The following IGF2BP3 variants were observed in gnomAD, a reference collection of about 807,000 sequenced individuals.
IGF2BP3 encodes insulin like growth factor 2 mRNA binding protein 3, also known as insulin-like growth factor 2 mRNA-binding protein 3.
IGF2BP3 carries 9 observed loss-of-function variants against 73.8 expected under a neutral mutation model. The observed-to-expected ratio is 0.12, with a 90% CI of 0.07 to 0.21. IGF2BP3 has a LOEUF of 0.21. Among genes scored for constraint, IGF2BP3 ranks in the 10% least tolerant of loss-of-function variants. The probability of loss-of-function intolerance (pLI) is 1.00; values close to 1 mark genes in which losing one functional copy is unlikely to be tolerated. For synonymous variants in IGF2BP3, 258 were observed against 256.7 expected (o/e 1.01, Z -0.05); for missense variants, 542 against 714.0 (o/e 0.76, Z 2.75).
chr7:23,320,351 C>A (rs1784102724), intron 10 of IGF2BP3, among the ~76,000 whole-genome samples: 1 of 152,108 alleles, frequency 6.6e-6, no homozygotes, highest in Non-Finnish European at 1.5e-5. Context: ...CTTCCTGGGT[C>A]TCTTTTCAAA....
chr7:23,464,174 C>G (rs1266515475), intron 2 of IGF2BP3, among the ~76,000 whole-genome samples: 1 of 152,232 alleles, frequency 6.6e-6, no homozygotes, highest in Non-Finnish European at 1.5e-5. Context: ...CTGGTCATGA[C>G]ACTAGCCTAT....
At position 23,346,081 on chromosome 7, in the gene IGF2BP3, C is replaced by T. The variant is rs190319716; in HGVS notation, c.819-19G>A. On this transcript the variant is annotated intron_variant, in intron 7 of 14. Transcript: ENST00000258729. ...TTCTGTGCTGTAAATAGAAAAGTGG[C>T]CATAAAATTAGAATAAGTAAACCTA... The T allele has an allele frequency of 3.8e-5, 61 of 1,594,612 alleles. 1 individual carries two copies. The African/African-American group carries it at 5.3e-4, about 14-fold the overall frequency.
At chr7:23,433,374 T>A (rs75184264) in intron 2 of IGF2BP3, among the ~76,000 whole-genome samples, 1 of 152,220 alleles carries the variant, frequency 6.6e-6, no homozygotes, top group East Asian at 1.9e-4. Context: ...AATCGTTCTG[T>A]AAGGATAAAA....
intron 10 of IGF2BP3, among the ~76,000 whole-genome samples, chr7:23,322,535 G>A (rs1438604423): frequency 6.6e-6 from 1 of 152,140 alleles, no homozygotes; most frequent in Non-Finnish European, 1.5e-5. Context: ...AATCTAGCAA[G>A]GCAGGCCAAC....
rs201185940 is a variant in IGF2BP3, at chr7:23,432,638, AT to A, written c.237-13815del. On this transcript the variant is annotated intron_variant, in intron 2 of 14. Transcript: ENST00000258729. ...CTAAGTAAATGTGCTTCATTTTTTA[AT>A]TTTTTTTTTTTTTTGGTGGAGAGAG... Among the ~76,000 whole-genome samples, 557 of 144,262 alleles carry A rather than the reference AT, an allele frequency of 3.9e-3. 1 individual carries two copies. Among genetic ancestry groups the A allele is most frequent in the Middle Eastern group, 7.1e-3 (2 of 282 alleles). The allele number at this position is 144,262 out of a possible 152,430, so 94.6% of individuals were successfully genotyped here. A position where few individuals can be genotyped will look rare whatever the true frequency, so the allele number is the denominator to read the frequency against.
intron 5 of IGF2BP3, among the ~76,000 whole-genome samples, chr7:23,352,869 A>T (rs1277653484): frequency 6.6e-6 from 1 of 152,144 alleles, no homozygotes; most frequent in Non-Finnish European, 1.5e-5. Context: ...GAAACTTTTA[A>T]TTTATTGTAA....
intron 2 of IGF2BP3, among the ~76,000 whole-genome samples, chr7:23,420,922 G>A (rs181919994): frequency 6.6e-6 from 1 of 152,304 alleles, no homozygotes; most frequent in African/African-American, 2.4e-5. Flanking sequence ...GCTAGTTTGG[G>A]ATTTGTTTCA....
chr7:23,411,380 G>T (rs1372054481), intron 3 of IGF2BP3, among the ~76,000 whole-genome samples: 4 of 152,142 alleles, frequency 2.6e-5, no homozygotes, highest in Non-Finnish European at 5.9e-5. Context: ...TCAGTAGTTT[G>T]AGACCAGCCT....
intron 3 of IGF2BP3, among the ~76,000 whole-genome samples, chr7:23,368,385 AAAG>A (rs1785449737): frequency 6.6e-6 from 1 of 151,204 alleles, no homozygotes; most frequent in Admixed American, 6.6e-5. Context: ...GAAAGAAAGA[AAAG>A]AAGGCATTAT....
intron 10 of IGF2BP3, among the ~76,000 whole-genome samples, chr7:23,326,335 A>C (rs1266772061): frequency 1.3e-5 from 2 of 152,252 alleles, no homozygotes; most frequent in African/African-American, 4.8e-5. Context: ...ATCACTGGCC[A>C]TCAGAGAAAT....
At chr7:23,338,926 T>C (rs920896899) in intron 10 of IGF2BP3, among the ~76,000 whole-genome samples, 4 of 152,244 alleles carry the variant, frequency 2.6e-5, no homozygotes, top group Non-Finnish European at 5.9e-5. Flanking sequence ...GAGAACTCCA[T>C]TGTATCACTG....
intron 2 of IGF2BP3, among the ~76,000 whole-genome samples, chr7:23,435,949 G>A (rs1333381850): frequency 6.6e-6 from 1 of 151,548 alleles, no homozygotes; most frequent in Non-Finnish European, 1.5e-5. Flanking sequence ...TAGAGACGGG[G>A]TTTTACCATG....
At chr7:23,337,602 C>A (rs955533090) in intron 10 of IGF2BP3, among the ~76,000 whole-genome samples, 2 of 152,256 alleles carry the variant, frequency 1.3e-5, no homozygotes, top group African/African-American at 4.8e-5. Flanking sequence ...CAGCTAGACA[C>A]AGCCAGTGGT....
In IGF2BP3 at chr7:23,313,401, A is replaced by G; in HGVS notation, c.1527+121T>C. The G allele has an allele frequency of 2.7e-6, 3 of 1,106,358 alleles. No individual in the cohort carries two copies. In the South Asian group the frequency reaches 4.8e-5, roughly 18 times the overall value. 68.5% of individuals were successfully genotyped at this position (1,106,358 alleles called of 1,614,324 possible). A position where few individuals can be genotyped will look rare whatever the true frequency, so the allele number is the denominator to read the frequency against. ...GGAAACAAAAGGCAATCTTCTCCAA[A>G]CCTTGGTCAAGATGGTCCTGCTTTT... On this transcript the variant is annotated intron_variant, in intron 13 of 14. Coordinates refer to ENST00000258729, the MANE Select transcript of IGF2BP3 (RefSeq NM_006547.3).
At chr7:23,376,801 A>AG (rs2128514742) in intron 3 of IGF2BP3, among the ~76,000 whole-genome samples, 1 of 152,292 alleles carries the variant, frequency 6.6e-6, no homozygotes, top group East Asian at 1.9e-4. Context: ...CAGAAGGCGG[A>AG]GGCTGCAATG....
chr7:23,351,434 G>A lies in IGF2BP3; in HGVS notation c.554C>T (p.Pro185Leu). Reference sequence around the variant, plus strand: ...TGGTTTCTGCTTGGATACGGATCCTGGAGACCCCTGCCTTGAGGAGCCCCT... The same window carrying A: ...TGGTTTCTGCTTGGATACGGATCCTAGAGACCCCTGCCTTGAGGAGCCCCT... Reference protein sequence around the residue: ...GQRGSSRQGSPGSVSKQKPCD... With the variant: ...GQRGSSRQGSLGSVSKQKPCD... Residue 185 changes from proline to leucine, a missense_variant, in exon 6 of 15, where the codon CCA becomes CTA. This residue lies in a region of IGF2BP3 where 239 missense variants were observed against 241.9 expected (regional missense o/e 0.99). Transcript: ENST00000258729. 5 of 1,613,634 alleles carry A rather than the reference G, an allele frequency of 3.1e-6. No homozygotes were observed. Among genetic ancestry groups the A allele is most frequent in the Non-Finnish European group, 4.2e-6 (5 of 1,179,832 alleles).
chr7:23,449,171 T>A (rs1029399270), intron 2 of IGF2BP3, among the ~76,000 whole-genome samples: 1 of 152,104 alleles, frequency 6.6e-6, no homozygotes, highest in Admixed American at 6.5e-5. Flanking sequence ...TGCCATGGAA[T>A]TGCATAAAAT....
At chr7:23,420,686 A>G (rs994459017) in intron 2 of IGF2BP3, among the ~76,000 whole-genome samples, 1 of 152,164 alleles carries the variant, frequency 6.6e-6, no homozygotes, top group African/African-American at 2.4e-5. Flanking sequence ...GCTGCCATTG[A>G]TCCCTTCGAG....
chr7:23,440,852 T>C (rs941316928), intron 2 of IGF2BP3, among the ~76,000 whole-genome samples: 35 of 152,232 alleles, frequency 2.3e-4, no homozygotes, highest in African/African-American at 8.4e-4. Context: ...CCTACTCTAC[T>C]GACGATTAAA....
Sources: gnomAD v4.1 joint callset for allele counts (sites outside exome capture counted in the v4.1 genomes callset) on GRCh38, gnomAD v4.1.1 for gene constraint, gnomAD v4.1.1 regional missense constraint, MANE v1.5 for transcripts, NCBI Gene and HGNC (gene_info 2026-07-23, HGNC 2026-07-21) for gene names.